Variants in ADGRV1 observed in about 807,000 individuals in gnomAD.
The protein encoded by ADGRV1 is G-protein coupled receptor 98.
Under a neutral mutation model 596.2 loss-of-function variants are expected in ADGRV1, and 359 were observed. That is an observed-to-expected ratio of 0.60 (90% CI 0.55 to 0.66). ADGRV1 has a LOEUF of 0.66. ADGRV1 is among the 30% of genes least tolerant of loss of function. The pLI, the probability that ADGRV1 is intolerant of heterozygous loss-of-function variation, is 0.00. For synonymous variants in ADGRV1, 2,681 were observed against 2,679.2 expected (o/e 1.00, Z -0.02); for missense variants, 7,274 against 7,575.6 (o/e 0.96, Z 1.48).
At chr5:90,711,570 G>A (rs907500482) in intron 41 of ADGRV1, among the ~76,000 whole-genome samples, 1 of 151,952 alleles carries the variant, frequency 6.6e-6, no homozygotes, top group Non-Finnish European at 1.5e-5. Context: ...TTTCATTACA[G>A]TATTTGATAC....
At chr5:91,160,199 A>C (rs1479343525) in intron 89 of ADGRV1, among the ~76,000 whole-genome samples, 1 of 152,014 alleles carries the variant, frequency 6.6e-6, no homozygotes, top group Admixed American at 6.5e-5. Context: ...ATCAAGGCCC[A>C]AAATACTCAA....
chr5:90,744,161 G>GT (rs1303399783), intron 50 of ADGRV1, among the ~76,000 whole-genome samples: 2 of 151,856 alleles, frequency 1.3e-5, no homozygotes, highest in South Asian at 2.1e-4. Flanking sequence ...GCTAATTTTT[G>GT]TTTTTTGTAA....
At chr5:91,031,624 A>G (rs1179680594) in intron 85 of ADGRV1, among the ~76,000 whole-genome samples, 2 of 152,190 alleles carry the variant, frequency 1.3e-5, no homozygotes, top group African/African-American at 4.8e-5. Flanking sequence ...TTTATAATCT[A>G]AGTATTCAAA....
chr5:90,905,660 A>T (rs1245209885), intron 83 of ADGRV1, among the ~76,000 whole-genome samples: 3 of 152,088 alleles, frequency 2.0e-5, no homozygotes, highest in African/African-American at 7.2e-5. Context: ...CAAATATAAG[A>T]TCACATAATT....
At chr5:90,848,075 A>C (rs1300401261) in intron 78 of ADGRV1, among the ~76,000 whole-genome samples, 1 of 152,150 alleles carries the variant, frequency 6.6e-6, no homozygotes, top group East Asian at 1.9e-4. Flanking sequence ...TCTCAAAAAA[A>C]CAAATAACCC....
At chr5:91,054,096 TGTGTGTGAGAGA>T (rs1218453448) in intron 85 of ADGRV1, among the ~76,000 whole-genome samples, 31 of 122,008 alleles carry the variant, frequency 2.5e-4, no homozygotes, top group African/African-American at 9.8e-4. Flanking sequence ...TGTGTGTGTG[TGTGTGTGAGAGA>T]GAGAGAGAGA....
At chr5:90,967,798 A>G (rs1278355711) in intron 84 of ADGRV1, among the ~76,000 whole-genome samples, 1 of 152,200 alleles carries the variant, frequency 6.6e-6, no homozygotes, top group African/African-American at 2.4e-5. Context: ...GTTAATGTAA[A>G]TTACTCAAAA....
chr5:90,619,080 T>G lies in ADGRV1; in HGVS notation c.358-6T>G. On this transcript the variant is annotated splice_polypyrimidine_tract_variant and splice_region_variant and intron_variant, in intron 3 of 89. Transcript: ENST00000405460. ...TCATTATTTTATTTTTGGGATTTTA[T>G]TTTAGAAACCTTCAGCAAATGTGAA... 7.3e-7 allele frequency: 1 copy of G among 1,364,382 alleles called. No homozygotes were observed. The highest frequency in any genetic ancestry group is 9.8e-7 in the Non-Finnish European group (1 of 1,021,030). 84.5% of individuals were successfully genotyped at this position (1,364,382 alleles called of 1,614,324 possible).
In ADGRV1 at chr5:90,683,890, T is replaced by C. The variant is rs376559614; in HGVS notation, c.5969T>C (p.Val1990Ala). The C allele has an allele frequency of 2.0e-5, 33 of 1,613,422 alleles. No individual in the cohort carries two copies. Among genetic ancestry groups the C allele is most frequent in the Non-Finnish European group, 2.5e-5 (30 of 1,179,676 alleles). The change falls in exon 28 of 90, where the codon GTT (valine) becomes GCT (alanine). Residue 1990 changes from valine to alanine, a missense_variant. By Grantham distance (64) the Val-to-Ala change is moderately conservative (BLOSUM62 0). Coordinates refer to ENST00000405460, the MANE Select transcript of ADGRV1 (RefSeq NM_032119.4). ...IFSEKNRPVK[V>A]EEATQNITLS... The stretch of plus-strand genomic sequence containing the variant: ...TCTGAGAAAAACAGACCTGTTAAAG[T>C]TGAGGAAGCAACCCAGAACATCACA...
Position 90,779,064 on chromosome 5 carries a change from C to A in ADGRV1, c.13049C>A (p.Ser4350Tyr). Residue 4350 changes from serine to tyrosine, a missense_variant, in exon 64 of 90, where the codon TCT (serine) becomes TAT (tyrosine). Transcript: ENST00000405460. ...DDYPEGPEEF[S>Y]LTITKVELQG... Reference sequence around the variant, plus strand: ...TATCCTGAAGGCCCAGAGGAATTTTCTCTAACAATTACAAAGGTGGAACTC... The same window carrying A: ...TATCCTGAAGGCCCAGAGGAATTTTATCTAACAATTACAAAGGTGGAACTC... The A allele has an allele frequency of 6.2e-7, 1 of 1,612,386 alleles. No individual in the cohort carries two copies.
rs564693920 is a variant in ADGRV1, at chr5:90,781,528, A to G, written c.13181A>G (p.Asp4394Gly). 2.5e-6 allele frequency: 4 copies of G among 1,611,790 alleles called. No individual in the cohort carries two copies. The highest frequency in any genetic ancestry group is 4.5e-5 in the East Asian group (2 of 44,788). Reference protein sequence around the residue: ...SIVRIIIMKNDNAEGIIEFDP... With the variant: ...SIVRIIIMKNGNAEGIIEFDP... ...GTTCGCATCATAATAATGAAAAATG[A>G]TAACGCAGAAGGCATCATTGAATTT... Residue 4394 changes from aspartate to glycine, a missense_variant, in exon 65 of 90, where the codon GAT becomes GGT. Asp to Gly is a moderately conservative substitution (Grantham distance 94). This residue lies in a region of ADGRV1 where 3,643 missense variants were observed against 3,809.2 expected (regional missense o/e 0.96). Coordinates refer to ENST00000405460, the MANE Select transcript of ADGRV1 (RefSeq NM_032119.4).
At chr5:90,760,275 CA>C (rs5869517) in intron 58 of ADGRV1, among the ~76,000 whole-genome samples, 1,175 of 77,562 alleles carry the variant, frequency 0.015, 4 homozygotes, top group Middle Eastern at 0.028. Context: ...GACTTCGTCT[CA>C]AAAAAAAAAA....
rs532045859 is a variant in ADGRV1, at chr5:90,668,746, A to G, written c.4753-3800A>G. Among the ~76,000 whole-genome samples the G allele has an allele frequency of 1.7e-4, 26 of 152,278 alleles. 1 individual carries two copies. The highest frequency in any genetic ancestry group is 6.3e-4 in the African/African-American group (26 of 41,562). ...TAAATTTTCTATAAAGTGTTGATAT[A>G]TAGCGTGTAACTGTACATTCTTTTA... On this transcript the variant is annotated intron_variant, in intron 21 of 89. Coordinates refer to ENST00000405460, the MANE Select transcript of ADGRV1 (RefSeq NM_032119.4).
intron 34 of ADGRV1, among the ~76,000 whole-genome samples, chr5:90,699,679 G>A (rs16869002): frequency 0.012 from 1,764 of 152,270 alleles, 34 homozygotes; most frequent in African/African-American, 0.04. Context: ...GGTGCTAGTG[G>A]TGAGTTGGAG....
chr5:90,868,311 A>G (rs1768330373), intron 83 of ADGRV1, among the ~76,000 whole-genome samples: 1 of 152,118 alleles, frequency 6.6e-6, no homozygotes, highest in Non-Finnish European at 1.5e-5. Context: ...TTTCATTTCA[A>G]ATATTATTGC....
chr5:91,111,540 G>A (rs957178217), intron 87 of ADGRV1, among the ~76,000 whole-genome samples: 21 of 152,158 alleles, frequency 1.4e-4, no homozygotes, highest in Middle Eastern at 3.2e-3. Flanking sequence ...AGTCTTGGCT[G>A]CTTCCTTTTG....
At chr5:90,848,210 G>GA (rs902446770) in intron 78 of ADGRV1, among the ~76,000 whole-genome samples, 8 of 152,018 alleles carry the variant, frequency 5.3e-5, no homozygotes, top group Non-Finnish European at 2.9e-5. Flanking sequence ...CTGTTTACTG[G>GA]AAAAAAATAA....
At chr5:90,690,692 G>A in intron 30 of ADGRV1, 105 bp from the exon 31 acceptor site, 1 of 1,176,774 alleles carries the variant, frequency 8.5e-7, no homozygotes, top group South Asian at 1.5e-5. Context: ...TAGCTACTTA[G>A]ATTGCTTAGG....
At chr5:90,964,945 AATTTTTAAACTC>A (rs1384231615) in intron 83 of ADGRV1, among the ~76,000 whole-genome samples, 1 of 152,188 alleles carries the variant, frequency 6.6e-6, no homozygotes, top group Non-Finnish European at 1.5e-5. Context: ...ATAGAATTTG[AATTTTTAAACTC>A]ATTTTAAGTC....
Sources: gnomAD v4.1 joint callset for allele counts (sites outside exome capture counted in the v4.1 genomes callset) on GRCh38, gnomAD v4.1.1 for gene constraint, gnomAD v4.1.1 regional missense constraint, MANE v1.5 for transcripts, NCBI Gene and HGNC (gene_info 2026-07-23, HGNC 2026-07-21) for gene names.